CCND2: variants seen among roughly 807,000 people sequenced by gnomAD.
CCND2 encodes cyclin D2.
In CCND2, 6 loss-of-function variants were observed where a neutral mutation model predicts 30.2. The ratio of observed to expected loss-of-function variants is 0.20; its 90% CI spans 0.11 to 0.39. CCND2 has a LOEUF of 0.39. Ranked by LOEUF, CCND2 falls within the 10% of genes least tolerant of loss-of-function variation. The pLI, the probability that CCND2 is intolerant of heterozygous loss-of-function variation, is 1.00. For missense variants in CCND2, 235 were observed against 373.4 expected (o/e 0.63, Z 3.06); for synonymous variants, 150 against 153.1 (o/e 0.98, Z 0.15).
rs1429374150 is a variant in CCND2, at chr12:4,293,684, C to T, written c.720+4694C>T. On this transcript the variant is annotated intron_variant, in intron 4 of 4. Transcript: ENST00000261254. The surrounding 1 kb of genome is among the most constrained non-coding windows in gnomAD (Gnocchi z 4.9). ...TTAAAAAGCAGGGAGGTGGAGGCGC[C>T]GTGGAAGAAGTCTCAGTTTCGACCA... 2.0e-5 allele frequency among the ~76,000 whole-genome samples: 3 copies of T among 152,128 alleles called. No individual in the cohort carries two copies. The highest frequency in any genetic ancestry group is 1.9e-4 in the East Asian group (1 of 5,198).
chr12:4,299,936 G>T lies in CCND2; in HGVS notation c.797G>T (p.Arg266Leu), dbSNP rs778716956. 6.2e-7 allele frequency: 1 copy of T among 1,614,114 alleles called. No homozygotes were observed. Reference protein sequence around the residue: ...NSLQQYRQDQRDGSKSEDELD... With the variant: ...NSLQQYRQDQLDGSKSEDELD... Reference sequence around the variant, plus strand: ...CTGCAGCAGTACCGTCAGGACCAACGTGACGGATCCAAGTCGGAGGATGAA... The same window carrying T: ...CTGCAGCAGTACCGTCAGGACCAACTTGACGGATCCAAGTCGGAGGATGAA... The change falls in exon 5 of 5, where the codon CGT becomes CTT. Residue 266 changes from arginine (R) to leucine (L), a missense_variant. Arg to Leu is a moderately radical substitution (Grantham distance 102). Coordinates refer to ENST00000261254, the MANE Select transcript of CCND2 (RefSeq NM_001759.4). This position sits in a 1 kb window ranked among gnomAD's most constrained non-coding sequence, Gnocchi z 5.2.
rs1208982683 is a variant in CCND2 at position 4,302,563 on chromosome 12, G to T, written c.*2554G>T. On this transcript the variant is annotated 3_prime_UTR_variant, in exon 5 of 5. Transcript: ENST00000261254. Reference sequence around the variant, plus strand: ...AGTAGATGAACCTGCAGCAAGCAGCGTTTATGGTGCTTCCTTCTCCCTCCT... The same window carrying T: ...AGTAGATGAACCTGCAGCAAGCAGCTTTTATGGTGCTTCCTTCTCCCTCCT... 3 of 233,236 alleles carry T rather than the reference G, an allele frequency of 1.3e-5. No individual in the cohort carries two copies. Among genetic ancestry groups the T allele is most frequent in the Non-Finnish European group, 1.7e-5 (2 of 118,056 alleles). The allele number at this position is 233,236 out of a possible 1,614,324, so 14.4% of individuals were successfully genotyped here.
In CCND2 at chr12:4,288,950, C is replaced by T. The variant is rs1012989280; in HGVS notation, c.680C>T (p.Ala227Val). 1 of 1,613,590 alleles carries T rather than the reference C, an allele frequency of 6.2e-7. No homozygotes were observed. The highest frequency in any genetic ancestry group is 1.3e-5 in the African/African-American group (1 of 74,858). ...GAAGTGAGCTCGCTCACTTGTGATGCCCTGACTGAGCTGCTGGCTAAGATC... is the reference window on the plus strand; with the variant it reads ...GAAGTGAGCTCGCTCACTTGTGATGTCCTGACTGAGCTGCTGGCTAAGATC... ...DEEVSSLTCDALTELLAKITN... is the reference protein window; with the variant it reads ...DEEVSSLTCDVLTELLAKITN... The change falls in exon 4 of 5, where the codon GCC becomes GTC. Residue 227 changes from alanine (A) to valine (V), a missense_variant. By Grantham distance (64) the Ala-to-Val change is moderately conservative. This residue lies in a region of CCND2 where 178 missense variants were observed against 322.8 expected (regional missense o/e 0.55). Transcript: ENST00000261254.
chr12:4,296,069 G>T (rs985323046), intron 4 of CCND2, among the ~76,000 whole-genome samples: 1 of 152,266 alleles, frequency 6.6e-6, no homozygotes. Flanking sequence ...GCTGCTGGAA[G>T]GGAGGGCTGA....
At chr12:4,291,235 T>TGTGTGTGTGTGTGTGTGTGTGTGTGTG (rs1555088220) in intron 4 of CCND2, among the ~76,000 whole-genome samples, 6 of 11,852 alleles carry the variant, frequency 5.1e-4, no homozygotes, top group South Asian at 3.6e-3. Context: ...GTGTGTGTGT[T>TGTGTGTGTGTGTGTGTGTGTGTGTGTG]TATGCACCTT....
chr12:4,283,723 A>G (rs960763112), intron 3 of CCND2, among the ~76,000 whole-genome samples: 1 of 152,194 alleles, frequency 6.6e-6, no homozygotes, highest in East Asian at 1.9e-4. Context: ...CCATTTTGCC[A>G]GGAGGGAGGC....
intron 3 of CCND2, among the ~76,000 whole-genome samples, chr12:4,288,092 G>A (rs145680562): frequency 6.9e-4 from 105 of 152,264 alleles, no homozygotes; most frequent in African/African-American, 2.5e-3. Context: ...CTTAGTTAGA[G>A]CCCTATGTTA....
chr12:4,282,521 C>T lies in CCND2; in HGVS notation c.571+3602C>T, dbSNP rs940195107. Among the ~76,000 whole-genome samples, 11 of 152,294 alleles carry T rather than the reference C, an allele frequency of 7.2e-5. No individual in the cohort carries two copies. The highest frequency in any genetic ancestry group is 1.9e-4 in the East Asian group (1 of 5,190). The stretch of plus-strand genomic sequence containing the variant: ...GCCCTTGATCTAGAGTGGGAGATTT[C>T]GCCTTGATGGGTGCTGGGAAGGAAG... On this transcript the variant is annotated intron_variant, in intron 3 of 4. Transcript: ENST00000261254. This position sits in a 1 kb window ranked among gnomAD's most constrained non-coding sequence, Gnocchi z 4.3.
chr12:4,289,220 G>T, intron 4 of CCND2: 1 of 228,646 alleles, frequency 4.4e-6, no homozygotes, highest in South Asian at 6.9e-5. Context: ...GGGGGTGGGG[G>T]TGGGAGGGCT....
At chr12:4,277,617 A>T (rs1863892218) in intron 2 of CCND2, among the ~76,000 whole-genome samples, 1 of 152,200 alleles carries the variant, frequency 6.6e-6, no homozygotes, top group Non-Finnish European at 1.5e-5. Flanking sequence ...GCTTTTTCCT[A>T]TTCCCTTTAT....
At chr12:4,298,851 A>G (rs940339585) in intron 4 of CCND2, among the ~76,000 whole-genome samples, 1 of 152,196 alleles carries the variant, frequency 6.6e-6, no homozygotes, top group Non-Finnish European at 1.5e-5. Context: ...TTGTCATTGC[A>G]TTGCATGTCA....
chr12:4,288,977 C>G lies in CCND2; in HGVS notation c.707C>G (p.Thr236Ser), dbSNP rs1467582311. The change falls in exon 4 of 5, where the codon ACC becomes AGC. Residue 236 changes from threonine to serine, a missense_variant. By Grantham distance (58) the Thr-to-Ser change is moderately conservative. Transcript: ENST00000261254. ...CTGACTGAGCTGCTGGCTAAGATCA[C>G]CAACACAGACGTGGTAGGTGGCCAC... is the stretch of plus-strand genomic sequence containing the variant. ...DALTELLAKI[T>S]NTDVDCLKAC... The G allele has an allele frequency of 6.2e-7, 1 of 1,612,528 alleles. No homozygotes were observed. Among genetic ancestry groups the G allele is most frequent in the Non-Finnish European group, 8.5e-7 (1 of 1,179,180 alleles).
rs759182645 is a variant in CCND2 at position 4,276,674 on chromosome 12, T to C, written c.411+454T>C. Among the ~76,000 whole-genome samples, 9 of 152,198 alleles carry C rather than the reference T, an allele frequency of 5.9e-5. No homozygotes were observed. Among genetic ancestry groups the C allele is most frequent in the Non-Finnish European group, 1.2e-4 (8 of 68,026 alleles). On this transcript the variant is annotated intron_variant, in intron 2 of 4. Coordinates refer to ENST00000261254, the MANE Select transcript of CCND2 (RefSeq NM_001759.4). This position sits in a 1 kb window ranked among gnomAD's most constrained non-coding sequence, Gnocchi z 4.8. ...GGTAATGCCCTCTATATCTACAAAG[T>C]CTCAAGATACCAACACATAATAGCT...
At chr12:4,279,568 C>T (rs901732509) in intron 3 of CCND2, among the ~76,000 whole-genome samples, 2 of 152,148 alleles carry the variant, frequency 1.3e-5, no homozygotes, top group African/African-American at 4.8e-5. Context: ...ATTTTGGCCG[C>T]AGCCTTTAAC....
intron 3 of CCND2, among the ~76,000 whole-genome samples, chr12:4,284,239 A>G (rs866878969): frequency 6.6e-6 from 1 of 152,196 alleles, no homozygotes; most frequent in Non-Finnish European, 1.5e-5. Flanking sequence ...GATTATTTTA[A>G]GTGAATCCTC....
chr12:4,278,704 C>G, intron 2 of CCND2, 56 bp from the exon 3 acceptor site: 2 of 1,586,630 alleles, frequency 1.3e-6, no homozygotes, highest in Non-Finnish European at 1.7e-6. Flanking sequence ...GCCCCCTACA[C>G]CAGGTCAGCC....
rs1021001243 is a variant in CCND2, at chr12:4,282,624, G to A, written c.571+3705G>A. ...GAGGTCATGGGACTGAGGGGGAGTCGTTAGCATGCCCTGTGGGGACAAGCA... is the reference window on the plus strand; with the variant it reads ...GAGGTCATGGGACTGAGGGGGAGTCATTAGCATGCCCTGTGGGGACAAGCA... On this transcript the variant is annotated intron_variant, in intron 3 of 4. Coordinates refer to ENST00000261254, the MANE Select transcript of CCND2 (RefSeq NM_001759.4). This position sits in a 1 kb window ranked among gnomAD's most constrained non-coding sequence, Gnocchi z 4.3. Among the ~76,000 whole-genome samples the A allele has an allele frequency of 1.8e-4, 27 of 152,176 alleles. No homozygotes were observed. Among genetic ancestry groups the A allele is most frequent in the Non-Finnish European group, 8.8e-5 (6 of 68,022 alleles).
chr12:4,290,662 C>T (rs542107226), intron 4 of CCND2, among the ~76,000 whole-genome samples: 4 of 152,136 alleles, frequency 2.6e-5, no homozygotes, highest in South Asian at 2.1e-4. Context: ...ACCACCCTAC[C>T]GGCTCCAGCC....
At chr12:4,281,324 G>T (rs567132796) in intron 3 of CCND2, among the ~76,000 whole-genome samples, 1 of 152,316 alleles carries the variant, frequency 6.6e-6, no homozygotes, top group East Asian at 1.9e-4. Context: ...ACAACAGTCG[G>T]CCTCACAGTA....
Sources: allele counts gnomAD v4.1 joint callset (sites outside exome capture counted in the v4.1 genomes callset), GRCh38; gene constraint gnomAD v4.1.1; regional missense constraint gnomAD v4.1.1; non-coding constraint Gnocchi (gnomAD v3.1); transcripts MANE v1.5; gene names NCBI Gene and HGNC (gene_info 2026-07-23, HGNC 2026-07-21).